Variants in MAGI2 observed in about 807,000 individuals in gnomAD.
MAGI2 encodes membrane-associated guanylate kinase, WW and PDZ domain-containing protein 2.
Under a neutral mutation model 133.3 loss-of-function variants are expected in MAGI2, and 35 were observed. That is an observed-to-expected ratio of 0.26 (90% CI 0.20 to 0.35). MAGI2 has a LOEUF of 0.35. Among genes scored for constraint, MAGI2 ranks in the 10% least tolerant of loss-of-function variants. The pLI is 1.00. For synonymous variants in MAGI2, 729 were observed against 710.6 expected, an observed-to-expected ratio of 1.03 and a Z score of -0.41; for missense variants, 1,636 against 1,863.4, an observed-to-expected ratio of 0.88 and a Z score of 2.25.
chr7:78,983,038 T>C lies in MAGI2; in HGVS notation c.418+24052A>G, dbSNP rs116029262. 4.1e-3 allele frequency among the ~76,000 whole-genome samples: 623 copies of C among 152,032 alleles called. 3 individuals are homozygous for C. Among genetic ancestry groups the C allele is most frequent in the African/African-American group, 0.014 (586 of 41,518 alleles). On this transcript the variant is annotated intron_variant, in intron 2 of 21. Coordinates refer to ENST00000354212, the MANE Select transcript of MAGI2 (RefSeq NM_012301.4). ...TTTCAAAGACTTACTACAAAAATAA[T>C]GTAAAATATCACAATAATTTTTAGA...
intron 1 of MAGI2, among the ~76,000 whole-genome samples, chr7:79,217,058 T>C (rs1195356036): frequency 6.6e-6 from 1 of 152,082 alleles, no homozygotes; most frequent in Non-Finnish European, 1.5e-5. Context: ...TTTCAAAATA[T>C]AGAAATTGTA....
chr7:78,684,696 CAA>C (rs759452906), intron 2 of MAGI2, among the ~76,000 whole-genome samples: 31 of 151,788 alleles, frequency 2.0e-4, no homozygotes, highest in Non-Finnish European at 4.3e-4. Context: ...AATGTATGAA[CAA>C]GAGTCAACTT....
chr7:79,153,842 A>G (rs1280772250), intron 1 of MAGI2, among the ~76,000 whole-genome samples: 1 of 152,174 alleles, frequency 6.6e-6, no homozygotes, highest in Non-Finnish European at 1.5e-5. Flanking sequence ...TTCCAAGGCC[A>G]CCTTTCACTG....
chr7:78,088,412 G>A (rs1199196883), intron 20 of MAGI2, among the ~76,000 whole-genome samples: 2 of 152,170 alleles, frequency 1.3e-5, no homozygotes, highest in African/African-American at 4.8e-5. Context: ...CAAGTTAACA[G>A]CATGAATGAG....
chr7:79,045,822 T>A (rs188568583), intron 1 of MAGI2, among the ~76,000 whole-genome samples: 6 of 152,124 alleles, frequency 3.9e-5, no homozygotes, highest in Non-Finnish European at 5.9e-5. Context: ...AAGAAAGGGA[T>A]GGATGTGGCA....
intron 1 of MAGI2, among the ~76,000 whole-genome samples, chr7:79,300,058 C>G (rs2129559604): frequency 6.6e-6 from 1 of 152,196 alleles, no homozygotes; most frequent in Non-Finnish European, 1.5e-5. Flanking sequence ...ATAAATTACC[C>G]AGTGTCAGGT....
chr7:78,125,487 A>G (rs1820891110), intron 20 of MAGI2, among the ~76,000 whole-genome samples: 2 of 152,180 alleles, frequency 1.3e-5, no homozygotes, highest in South Asian at 4.2e-4. Context: ...AGGTTAATCA[A>G]TTAGAAGGTC....
At chr7:79,229,880 G>C (rs1311297890) in intron 1 of MAGI2, among the ~76,000 whole-genome samples, 1 of 150,260 alleles carries the variant, frequency 6.7e-6, no homozygotes, top group Non-Finnish European at 1.5e-5. Context: ...TGCCATGCTG[G>C]TGCAGTGCAC....
intron 12 of MAGI2, among the ~76,000 whole-genome samples, chr7:78,191,857 T>G (rs949473741): frequency 6.6e-6 from 1 of 152,210 alleles, no homozygotes; most frequent in African/African-American, 2.4e-5. Context: ...AGATGTCCTG[T>G]GCATGCACAT....
intron 2 of MAGI2, among the ~76,000 whole-genome samples, chr7:78,683,599 T>G (rs965470806): frequency 6.6e-6 from 1 of 152,222 alleles, no homozygotes; most frequent in Admixed American, 6.5e-5. Context: ...TGATTCTACA[T>G]CCTGAAATCT....
At chr7:78,941,519 A>G (rs546764493) in intron 2 of MAGI2, among the ~76,000 whole-genome samples, 37 of 152,104 alleles carry the variant, frequency 2.4e-4, no homozygotes, top group African/African-American at 7.9e-4. Context: ...TATTTTTAGT[A>G]TATACAGGGT....
Position 79,415,297 on chromosome 7 carries a change from C to T in MAGI2, c.301+37723G>A, listed in dbSNP as rs950187110. 3.3e-5 allele frequency: 5 copies of T among 152,204 alleles called. 1 individual carries two copies. The highest frequency in any genetic ancestry group is 1.5e-5 in the Non-Finnish European group (1 of 68,024). 9.4% of individuals were successfully genotyped at this position (152,204 alleles called of 1,614,324 possible). On this transcript the variant is annotated intron_variant, in intron 1 of 21. Transcript: ENST00000354212. ...CTGAATTCAGGCTAATTGTATGTCT[C>T]TTAGAGTTGAGGGAGGCTGTACTCC... is the stretch of plus-strand genomic sequence containing the variant.
intron 6 of MAGI2, among the ~76,000 whole-genome samples, chr7:78,422,681 A>G (rs1798909941): frequency 1.3e-5 from 2 of 152,128 alleles, no homozygotes; most frequent in East Asian, 3.9e-4. Flanking sequence ...TCAAAGTTGT[A>G]TTGCTTAGAG....
At chr7:79,089,758 C>T (rs1380417025) in intron 1 of MAGI2, among the ~76,000 whole-genome samples, 1 of 152,148 alleles carries the variant, frequency 6.6e-6, no homozygotes, top group South Asian at 2.1e-4. Flanking sequence ...AAAACAACCA[C>T]TCCATGTTCT....
intron 2 of MAGI2, among the ~76,000 whole-genome samples, chr7:78,734,537 A>C (rs1375092976): frequency 6.6e-6 from 1 of 152,094 alleles, no homozygotes; most frequent in African/African-American, 2.4e-5. Context: ...TTGTCAAGTG[A>C]ATTTTGAGTA....
intron 10 of MAGI2, among the ~76,000 whole-genome samples, chr7:78,226,783 G>A (rs1352165504): frequency 6.6e-6 from 1 of 152,166 alleles, no homozygotes; most frequent in Non-Finnish European, 1.5e-5. Context: ...CATATAAATG[G>A]CTTCTCAAGG....
intron 1 of MAGI2, among the ~76,000 whole-genome samples, chr7:79,302,740 G>A (rs1446929002): frequency 6.6e-6 from 1 of 152,194 alleles, no homozygotes; most frequent in East Asian, 1.9e-4. Flanking sequence ...GGCCTGGTTA[G>A]AGGATTAGAG....
chr7:78,932,976 G>A (rs1800248233), intron 2 of MAGI2, among the ~76,000 whole-genome samples: 1 of 152,108 alleles, frequency 6.6e-6, no homozygotes, highest in South Asian at 2.1e-4. Context: ...GCCACGCTAA[G>A]TGTAAATTTG....
intron 2 of MAGI2, among the ~76,000 whole-genome samples, chr7:78,723,406 A>T (rs10281083): frequency 0.027 from 4,082 of 152,316 alleles, 170 homozygotes; most frequent in African/African-American, 0.093. Flanking sequence ...TGCATATTTA[A>T]TAAGAACCAT....
Sources: allele counts gnomAD v4.1 joint callset (sites outside exome capture counted in the v4.1 genomes callset), GRCh38; gene constraint gnomAD v4.1.1; transcripts MANE v1.5; gene names NCBI Gene and HGNC (gene_info 2026-07-23, HGNC 2026-07-21).